Variants in KRT84 observed in about 807,000 individuals in gnomAD.
The protein encoded by KRT84 is keratin, type II cuticular Hb4.
Under a neutral mutation model 49.0 loss-of-function variants are expected in KRT84, and 38 were observed. The ratio of observed to expected loss-of-function variants is 0.78; its 90% CI spans 0.60 to 1.02. The LOEUF (loss-of-function observed/expected upper bound fraction) is 1.02. Ranked by LOEUF, KRT84 falls within the 50% of genes least tolerant of loss-of-function variation. KRT84 has a pLI of 0.00. For missense variants in KRT84, 860 were observed against 788.6 expected (o/e 1.09, Z -1.08); for synonymous variants, 334 against 312.8 (o/e 1.07, Z -0.72).
intron 8 of KRT84, among the ~76,000 whole-genome samples, chr12:52,378,621 C>T (rs1021524413): frequency 6.6e-6 from 1 of 152,170 alleles, no homozygotes; most frequent in African/African-American, 2.4e-5. Flanking sequence ...CATCCAATTC[C>T]CCAGATGTTT....
At chr12:52,382,314 T>C in intron 4 of KRT84, 123 bp downstream of exon 4, 1 of 677,338 alleles carries the variant, frequency 1.5e-6, no homozygotes. Flanking sequence ...GCATACAGAT[T>C]TGAGTGAGAG....
Position 52,385,410 on chromosome 12 carries a change from C to G in KRT84, c.176G>C (p.Gly59Ala). 1.9e-6 allele frequency: 3 copies of G among 1,614,184 alleles called. No homozygotes were observed. The highest frequency in any genetic ancestry group is 2.5e-6 in the Non-Finnish European group (3 of 1,180,020). ...AGCTGCTATCCGGGGTGAGTACGAT[C>G]CAAAGGTGATGACACTCCGACTACC... is the stretch of plus-strand genomic sequence containing the variant. The part of the protein sequence containing the change: ...SFGSRSVITF[G>A]SYSPRIAAVG... The change falls in exon 1 of 9, where the codon GGA becomes GCA. Residue 59 changes from glycine (G) to alanine (A), a missense_variant. Gly to Ala is a moderately conservative substitution (Grantham distance 60). Coordinates refer to ENST00000257951, the MANE Select transcript of KRT84 (RefSeq NM_033045.4).
At chr12:52,382,960 G>A (rs753240733) in intron 3 of KRT84, 45 bp downstream of exon 3, 3 of 1,556,530 alleles carry the variant, frequency 1.9e-6, no homozygotes, top group Middle Eastern at 1.7e-4. Context: ...GAGAACATTT[G>A]CCGGTCCAGA....
At chr12:52,383,494 C>T (rs142582011) in intron 2 of KRT84, 96 bp downstream of exon 2, 2 of 637,298 alleles carry the variant, frequency 3.1e-6, no homozygotes, top group Non-Finnish European at 5.1e-6. Context: ...CAGCATTCAA[C>T]CCTGATCCTT....
At chr12:52,381,801 G>C (rs1411379425) in intron 4 of KRT84, among the ~76,000 whole-genome samples, 1 of 152,218 alleles carries the variant, frequency 6.6e-6, no homozygotes, top group African/African-American at 2.4e-5. Flanking sequence ...AGAACATGGT[G>C]GAAGAAAGTG....
At chr12:52,386,461 A>T (rs1939575301), upstream of KRT84, among the ~76,000 whole-genome samples, 2 of 149,816 alleles carry the variant, frequency 1.3e-5, no homozygotes, top group African/African-American at 4.9e-5. Context: ...GGCTCAAGTG[A>T]TCCTCCCGCC....
intron 1 of KRT84, 119 bp downstream of exon 1, chr12:52,384,921 A>G (rs1939546600): frequency 7.4e-6 from 8 of 1,086,942 alleles, no homozygotes; most frequent in Admixed American, 2.3e-5. Flanking sequence ...AGGCACTTGA[A>G]AGATCTGAGG....
chr12:52,381,247 T>G, intron 5 of KRT84, 42 bp from the exon 6 acceptor site: 1 of 1,612,344 alleles, frequency 6.2e-7, no homozygotes, highest in Non-Finnish European at 8.5e-7. Flanking sequence ...GGAGGTCAGG[T>G]CAGGATCACA....
intron 5 of KRT84, 66 bp from the exon 6 acceptor site, chr12:52,381,271 T>TG (rs1939479092): frequency 1.2e-6 from 2 of 1,609,640 alleles, no homozygotes; most frequent in Non-Finnish European, 1.7e-6. Flanking sequence ...CCCACTGAGT[T>TG]GGGGGCTTCA....
intron 3 of KRT84, among the ~76,000 whole-genome samples, chr12:52,382,792 C>G (rs1939507414): frequency 6.6e-6 from 1 of 152,180 alleles, no homozygotes; most frequent in African/African-American, 2.4e-5. Flanking sequence ...CCTTTTCATA[C>G]CTCTGCTCAC....
chr12:52,381,234 T>A (rs142547359), intron 5 of KRT84, 29 bp from the exon 6 acceptor site: 3 of 1,613,432 alleles, frequency 1.9e-6, no homozygotes, highest in Admixed American at 3.3e-5. Context: ...ATTTTGAGGG[T>A]TCGGAGGTCA....
In KRT84 at chr12:52,378,390, A is replaced by C. The variant is rs1416105543; in HGVS notation, c.1457-10T>G. On this transcript the variant is annotated splice_polypyrimidine_tract_variant and intron_variant, in intron 8 of 8. Transcript: ENST00000257951. ...CGGGAGCTGCTGACGGCTGCGGAGA[A>C]AGAAAGCATCAGGGAGGCTGCCGAC... 1 of 1,450,942 alleles carries C rather than the reference A, an allele frequency of 6.9e-7. No individual in the cohort carries two copies. The highest frequency in any genetic ancestry group is 2.6e-5 in the East Asian group (1 of 37,844). 89.9% of individuals were successfully genotyped at this position (1,450,942 alleles called of 1,614,324 possible). A position where few individuals can be genotyped will look rare whatever the true frequency, so the allele number is the denominator to read the frequency against.
At position 52,383,396 on chromosome 12, in the gene KRT84, C is replaced by T. The variant is rs137971598; in HGVS notation, c.755+194G>A. ...GGGCCCAACTGAAAAAGATACTGAA[C>T]ATGGGCACCTTTTTCCTCAGGAGGG... is the stretch of plus-strand genomic sequence containing the variant. On this transcript the variant is annotated intron_variant, in intron 2 of 8. Coordinates refer to ENST00000257951, the MANE Select transcript of KRT84 (RefSeq NM_033045.4). 7.9e-5 allele frequency among the ~76,000 whole-genome samples: 12 copies of T among 152,300 alleles called. No individual in the cohort carries two copies. The East Asian group carries it at 1.9e-3, about 25-fold the overall frequency.
At position 52,382,998 on chromosome 12, in the gene KRT84, C is replaced by T. The variant is rs1565776112; in HGVS notation, c.816+7G>A. On this transcript the variant is annotated splice_region_variant and intron_variant, in intron 3 of 8. Transcript: ENST00000257951. ...AGAAGTTGGCCTGGTCTGTGGTTCC[C>T]CCTTACCTTCTTCAGAGCCACAAAC... is the stretch of plus-strand genomic sequence containing the variant. 1.9e-6 allele frequency: 3 copies of T among 1,613,306 alleles called. No individual in the cohort carries two copies. Among genetic ancestry groups the T allele is most frequent in the South Asian group, 1.1e-5 (1 of 91,046 alleles).
At chr12:52,380,075 C>T (rs1939453987) in intron 7 of KRT84, among the ~76,000 whole-genome samples, 168 bp from the exon 8 acceptor site, 1 of 152,106 alleles carries the variant, frequency 6.6e-6, no homozygotes, top group Non-Finnish European at 1.5e-5. Context: ...AGACCCTATC[C>T]CAAAACCATT....
At chr12:52,380,626 G>T (rs771290740) in intron 6 of KRT84, 43 bp from the exon 7 acceptor site, 2 of 1,532,294 alleles carry the variant, frequency 1.3e-6, no homozygotes, top group Non-Finnish European at 1.8e-6. Context: ...GCAGTGCCAG[G>T]GCATCCCCAG....
chr12:52,381,617 G>T (rs752276384), intron 4 of KRT84, 92 bp from the exon 5 acceptor site: 13 of 1,244,274 alleles, frequency 1.0e-5, no homozygotes, highest in East Asian at 2.3e-5. Context: ...GGTGCCAGGG[G>T]CAGAGAGCAT....
rs1489080585 is a variant in KRT84 at position 52,380,432 on chromosome 12, A to C, written c.1355T>G (p.Met452Arg). The change falls in exon 7 of 9, where the codon ATG becomes AGG. Residue 452 changes from methionine to arginine, a missense_variant. Physicochemically the swap from Met to Arg is moderately conservative, Grantham distance 91. Transcript: ENST00000257951. ...ARQLCEYQEL[M>R]NAKLGLDIEI... ...GATGTCCAGGCCCAGCTTGGCATTC[A>C]TCAGCTCCTGGTACTCGCACAGCTG... The C allele has an allele frequency of 3.7e-6, 6 of 1,614,174 alleles. No individual in the cohort carries two copies. Among genetic ancestry groups the C allele is most frequent in the Non-Finnish European group, 5.1e-6 (6 of 1,180,018 alleles).
intron 5 of KRT84, 72 bp from the exon 6 acceptor site, chr12:52,381,277 C>T: frequency 4.4e-6 from 7 of 1,609,174 alleles, no homozygotes; most frequent in Non-Finnish European, 5.9e-6. Flanking sequence ...GAGTTGGGGG[C>T]TTCAAACCTC....
Sources: allele counts gnomAD v4.1 joint callset (sites outside exome capture counted in the v4.1 genomes callset), GRCh38; gene constraint gnomAD v4.1.1; transcripts MANE v1.5; gene names NCBI Gene and HGNC (gene_info 2026-07-23, HGNC 2026-07-21).